Variants in ARHGEF1 observed in about 807,000 individuals in gnomAD.
The protein encoded by ARHGEF1 is Rho guanine nucleotide exchange factor 1.
Under a neutral mutation model 119.7 loss-of-function variants are expected in ARHGEF1, and 40 were observed. The ratio of observed to expected loss-of-function variants is 0.33; its 90% CI spans 0.26 to 0.44. The LOEUF is 0.44. Ranked by LOEUF, ARHGEF1 falls within the 20% of genes least tolerant of loss-of-function variation. The pLI is 1.00. For missense variants in ARHGEF1, 976 were observed against 1,268.3 expected, an observed-to-expected ratio of 0.77 and a Z score of 3.50; for synonymous variants, 494 against 521.0, an observed-to-expected ratio of 0.95 and a Z score of 0.71.
Position 41,905,941 on chromosome 19 carries a change from C to G in ARHGEF1, c.2407C>G (p.Arg803Gly). 6.2e-7 allele frequency: 1 copy of G among 1,614,122 alleles called. No homozygotes were observed. Among genetic ancestry groups the G allele is most frequent in the Non-Finnish European group, 8.5e-7 (1 of 1,180,008 alleles). Residue 803 changes from arginine to glycine, a missense_variant and splice_region_variant, in exon 26 of 29, where the codon CGG becomes GGG. Coordinates refer to ENST00000354532, the MANE Select transcript of ARHGEF1 (RefSeq NM_004706.4). The surrounding 1 kb of genome is among the most constrained non-coding windows in gnomAD (Gnocchi z 6.4). ...GGRETSPADA[R>G]TERILSDLLP... is the part of the protein sequence containing the mutation. The stretch of plus-strand genomic sequence containing the variant: ...TCCCTCTCTGTTCCCCAATCCAGCC[C>G]GGACCGAGAGAATCCTCAGTGACCT...
At chr19:41,908,472 G>A (rs2074731943), downstream of ARHGEF1, 1 of 1,231,516 alleles carries the variant, frequency 8.1e-7, no homozygotes, top group Non-Finnish European at 1.0e-6. The surrounding 1 kb of genome is among the most constrained non-coding windows in gnomAD (Gnocchi z 6.7). Flanking sequence ...CAGGGGCGTG[G>A]CTGTGGGGCC....
At chr19:41,911,426 C>G (rs2074750510), downstream of ARHGEF1, among the ~76,000 whole-genome samples, 1 of 152,188 alleles carries the variant, frequency 6.6e-6, no homozygotes, top group Non-Finnish European at 1.5e-5. Context: ...CAGGGGAGAC[C>G]AGCATCGCCG....
chr19:41,906,289 C>A lies in ARHGEF1; in HGVS notation c.2492-168C>A. 1.4e-6 allele frequency: 1 copy of A among 726,928 alleles called. No individual in the cohort carries two copies. Among genetic ancestry groups the A allele is most frequent in the Non-Finnish European group, 2.3e-6 (1 of 440,918 alleles). The allele number at this position is 726,928 out of a possible 1,614,324, so 45.0% of individuals were successfully genotyped here. Reference sequence around the variant, plus strand: ...TCCTGCCCTGTCCCAACCCTAAACCCAGCCTCACTTCTTCACCTCCCTTTG... The same window carrying A: ...TCCTGCCCTGTCCCAACCCTAAACCAAGCCTCACTTCTTCACCTCCCTTTG... On this transcript the variant is annotated intron_variant, in intron 26 of 28. Coordinates refer to ENST00000354532, the MANE Select transcript of ARHGEF1 (RefSeq NM_004706.4). This position sits in a 1 kb window ranked among gnomAD's most constrained non-coding sequence, Gnocchi z 4.5.
rs1215643477 is a variant in ARHGEF1, at chr19:41,904,173, G to A, written c.1994-43G>A. The A allele has an allele frequency of 3.1e-6, 5 of 1,612,588 alleles. No individual in the cohort carries two copies. In the African/African-American group the frequency reaches 6.7e-5, roughly 22 times the overall value. On this transcript the variant is annotated intron_variant, in intron 21 of 28. Transcript: ENST00000354532. The surrounding 1 kb of genome is among the most constrained non-coding windows in gnomAD (Gnocchi z 8.4). The stretch of plus-strand genomic sequence containing the variant: ...GGCAGTGAGCCAAGGGCGGGGAGGG[G>A]GTCGCGCGGGGGCACGCCGTGTGAG...
chr19:41,884,687 G>C (rs540453207), intron 1 of ARHGEF1, among the ~76,000 whole-genome samples: 19 of 152,084 alleles, frequency 1.2e-4, no homozygotes, highest in Non-Finnish European at 2.2e-4. Flanking sequence ...CCAGGTTCCT[G>C]CCAGCCCCCC....
Position 41,888,925 on chromosome 19 carries a change from G to C in ARHGEF1, c.225+60G>C. 6.9e-7 allele frequency: 1 copy of C among 1,459,312 alleles called. No homozygotes were observed. Among genetic ancestry groups the C allele is most frequent in the Non-Finnish European group, 9.4e-7 (1 of 1,061,866 alleles). 90.4% of individuals were successfully genotyped at this position (1,459,312 alleles called of 1,614,324 possible). A position where few individuals can be genotyped will look rare whatever the true frequency, so the allele number is the denominator to read the frequency against. On this transcript the variant is annotated intron_variant, in intron 4 of 28. Coordinates refer to ENST00000354532, the MANE Select transcript of ARHGEF1 (RefSeq NM_004706.4). The surrounding 1 kb of genome is among the most constrained non-coding windows in gnomAD (Gnocchi z 5.1). ...GGGGCTGGGACAGGCACAGCTTTTA[G>C]CGAATTAAACCAGCGAGCTAGTGCC... is the stretch of plus-strand genomic sequence containing the variant.
intron 14 of ARHGEF1, among the ~76,000 whole-genome samples, chr19:41,900,589 A>G (rs1337582875): frequency 6.6e-6 from 1 of 152,052 alleles, no homozygotes; most frequent in Non-Finnish European, 1.5e-5. Flanking sequence ...CAACCACTGT[A>G]TAATGTGGCT....
rs1392506787 is a variant in ARHGEF1, at chr19:41,889,851, G to C, written c.225+986G>C. ...GGTTCCCCCGACAACCACATGCACG[G>C]AGACTCTGGCCCTCTGAGCAAGGGA... On this transcript the variant is annotated intron_variant, in intron 4 of 28. Transcript: ENST00000354532. This position sits in a 1 kb window ranked among gnomAD's most constrained non-coding sequence, Gnocchi z 4.0. 6.6e-6 allele frequency: 1 copy of C among 152,194 alleles called. No individual in the cohort carries two copies. The highest frequency in any genetic ancestry group is 2.1e-4 in the South Asian group (1 of 4,822). 9.4% of individuals were successfully genotyped at this position (152,194 alleles called of 1,614,324 possible).
chr19:41,906,090 C>A lies in ARHGEF1; in HGVS notation c.2491+65C>A. On this transcript the variant is annotated intron_variant, in intron 26 of 28. Coordinates refer to ENST00000354532, the MANE Select transcript of ARHGEF1 (RefSeq NM_004706.4). The surrounding 1 kb of genome is among the most constrained non-coding windows in gnomAD (Gnocchi z 4.5). ...AACAGTGCCTCTGTTCCAACTAGAA[C>A]AAGGCTCTCCACGTCAAAAATTTCC... 6.9e-7 allele frequency: 1 copy of A among 1,450,758 alleles called. No individual in the cohort carries two copies. Among genetic ancestry groups the A allele is most frequent in the Non-Finnish European group, 9.6e-7 (1 of 1,041,496 alleles). The allele number at this position is 1,450,758 out of a possible 1,614,324, so 89.9% of individuals were successfully genotyped here. A position where few individuals can be genotyped will look rare whatever the true frequency, so the allele number is the denominator to read the frequency against.
chr19:41,914,820 G>A (rs1369707887), intron 18 of ARHGEF1, among the ~76,000 whole-genome samples: 3 of 5,486 alleles, frequency 5.5e-4, no homozygotes, highest in Non-Finnish European at 1.2e-3. Flanking sequence ...CCTCCACCGT[G>A]TCTCCCCCCC....
At position 41,894,315 on chromosome 19, in the gene ARHGEF1, C is replaced by T. The variant is rs782621639; in HGVS notation, c.744+9C>T. ...ACTTCTTCCGGAAAAAGGTGCTTCC[C>T]TCAGTGCCCCGTCCTGACCCTTTCC... On this transcript the variant is annotated intron_variant, in intron 9 of 28. Coordinates refer to ENST00000354532, the MANE Select transcript of ARHGEF1 (RefSeq NM_004706.4). 7.1e-6 allele frequency: 11 copies of T among 1,545,338 alleles called. No individual in the cohort carries two copies. The South Asian group carries it at 1.2e-4, about 17-fold the overall frequency.
intron 2 of ARHGEF1, chr19:41,929,055 A>T (rs2074890057): frequency 2.8e-6 from 1 of 362,972 alleles, no homozygotes; most frequent in African/African-American, 2.1e-5. Context: ...ACACACACAC[A>T]CAGACCTGCC....
In ARHGEF1 at chr19:41,906,384, T is replaced by G; in HGVS notation, c.2492-73T>G. 1 of 1,447,746 alleles carries G rather than the reference T, an allele frequency of 6.9e-7. No homozygotes were observed. Among genetic ancestry groups the G allele is most frequent in the Admixed American group, 2.5e-5 (1 of 40,122 alleles). 89.7% of individuals were successfully genotyped at this position (1,447,746 alleles called of 1,614,324 possible). ...CACCTCCAGCCCCTACACATCCCCT[T>G]TGGAATCCCCCATCCCAGATCCCAG... On this transcript the variant is annotated intron_variant, in intron 26 of 28. Transcript: ENST00000354532. This position sits in a 1 kb window ranked among gnomAD's most constrained non-coding sequence, Gnocchi z 4.5.
chr19:41,923,647 C>A (rs78559419), intron 1 of ARHGEF1, among the ~76,000 whole-genome samples: 2,651 of 87,532 alleles, frequency 0.03, 162 homozygotes, highest in African/African-American at 0.13. Context: ...GGCCAGCATG[C>A]AGGGAGGGGC....
downstream of ARHGEF1, among the ~76,000 whole-genome samples, chr19:41,910,468 C>G (rs1409624344): frequency 6.6e-5 from 10 of 152,104 alleles, no homozygotes; most frequent in Non-Finnish European, 1.5e-4. The surrounding 1 kb of genome is among the most constrained non-coding windows in gnomAD (Gnocchi z 4.4). Context: ...CTGCCCCCAG[C>G]CAGCCCTAGG....
At position 41,888,047 on chromosome 19, in the gene ARHGEF1, CCCT is replaced by C. The variant is rs782765887; in HGVS notation, c.-19-12_-19-10del. The C allele has an allele frequency of 3.7e-6, 6 of 1,611,562 alleles. No homozygotes were observed. Among genetic ancestry groups the C allele is most frequent in the East Asian group, 2.2e-5 (1 of 44,884 alleles). The stretch of plus-strand genomic sequence containing the variant: ...CTCCTCCCACCCTCCTAACCACAGC[CCCT>C]CCTCTTCCTCCAGCCCTGCAGAGCC... On this transcript the variant is annotated splice_polypyrimidine_tract_variant and intron_variant, in intron 1 of 28. Coordinates refer to ENST00000354532, the MANE Select transcript of ARHGEF1 (RefSeq NM_004706.4). This position sits in a 1 kb window ranked among gnomAD's most constrained non-coding sequence, Gnocchi z 5.1.
chr19:41,907,461 T>G (rs935241678), downstream of ARHGEF1: 34 of 1,478,314 alleles, frequency 2.3e-5, no homozygotes, highest in Non-Finnish European at 2.8e-5. Flanking sequence ...GAGATCTGTG[T>G]GTGTGATGGC....
Position 41,895,486 on chromosome 19 carries a change from G to A in ARHGEF1, c.1015G>A (p.Gly339Ser). Residue 339 changes from glycine (G) to serine (S), a missense_variant and splice_region_variant, in exon 12 of 29, where the codon GGT becomes AGT. This residue lies in a region of ARHGEF1 where 519 missense variants were observed against 580.9 expected (regional missense o/e 0.89). Transcript: ENST00000354532. ...LSLDSPDREP[G>S]ADAPLELGDS... ...CCTGGACAGCCCAGACCGGGAACCA[G>A]GTGAGAGTTTCCTGGGCCAGGGCTC... 2 of 1,592,114 alleles carry A rather than the reference G, an allele frequency of 1.3e-6. No homozygotes were observed. The highest frequency in any genetic ancestry group is 8.6e-7 in the Non-Finnish European group (1 of 1,165,978).
In ARHGEF1 at chr19:41,896,809, CTCT is replaced by C. The variant is rs2074500896; in HGVS notation, c.1121+328_1121+330del. 82 of 427,362 alleles carry C rather than the reference CTCT, an allele frequency of 1.9e-4. 1 individual carries two copies. Among genetic ancestry groups the C allele is most frequent in the African/African-American group, 1.9e-3 (71 of 37,834 alleles). 26.5% of individuals were successfully genotyped at this position (427,362 alleles called of 1,614,324 possible). ...ATTTCCCCCTCCTCTCTCACCTCCC[CTCT>C]CCTCTCTCACCTCCCCCATCCTCTC... On this transcript the variant is annotated intron_variant, in intron 13 of 28. Coordinates refer to ENST00000354532, the MANE Select transcript of ARHGEF1 (RefSeq NM_004706.4).
Sources: gnomAD v4.1 joint callset for allele counts (sites outside exome capture counted in the v4.1 genomes callset) on GRCh38, gnomAD v4.1.1 for gene constraint, gnomAD v4.1.1 regional missense constraint, Gnocchi (gnomAD v3.1) non-coding constraint, MANE v1.5 for transcripts, NCBI Gene and HGNC (gene_info 2026-07-23, HGNC 2026-07-21) for gene names.